The following ALDH1A2 variants were observed in gnomAD, a reference collection of about 807,000 sequenced individuals.
The protein encoded by ALDH1A2 is retinal dehydrogenase 2.
In ALDH1A2, 27 loss-of-function variants were observed where a neutral mutation model predicts 60.3. That is an observed-to-expected ratio of 0.45 (90% CI 0.33 to 0.62). The LOEUF is 0.62. ALDH1A2 is among the 20% of genes least tolerant of loss of function. The pLI, the probability that ALDH1A2 is intolerant of heterozygous loss-of-function variation, is 0.02. For synonymous variants in ALDH1A2, 289 were observed against 232.4 expected (o/e 1.24, Z -2.21); for missense variants, 581 against 643.8 (o/e 0.90, Z 1.06).
intron 1 of ALDH1A2, among the ~76,000 whole-genome samples, chr15:58,021,349 G>A (rs1282762107): frequency 6.6e-6 from 1 of 152,024 alleles, no homozygotes; most frequent in Non-Finnish European, 1.5e-5. Context: ...CAACAAAGAA[G>A]GGACAGGAAG....
intron 1 of ALDH1A2, among the ~76,000 whole-genome samples, chr15:58,043,648 G>A (rs1262760186): frequency 6.6e-6 from 1 of 151,880 alleles, no homozygotes; most frequent in Non-Finnish European, 1.5e-5. Context: ...TGAGATTCAG[G>A]TGGAAAAGAG....
At chr15:57,995,016 T>C (rs1415438865) in intron 5 of ALDH1A2, 62 bp downstream of exon 5, 28 of 1,457,084 alleles carry the variant, frequency 1.9e-5, no homozygotes, top group African/African-American at 5.6e-5. Context: ...CCATGTTTTA[T>C]GTGTCTTTAA....
intron 1 of ALDH1A2, among the ~76,000 whole-genome samples, chr15:58,061,618 A>AAAAAAAAAAAAAAAAAAAG (rs1897040524): frequency 6.7e-6 from 1 of 149,842 alleles, no homozygotes; most frequent in Non-Finnish European, 1.5e-5. Context: ...AACAAAAAAA[A>AAAAAAAAAAAAAAAAAAAG]AAAAAAAACG....
At chr15:58,062,214 G>GA (rs4646558) in intron 1 of ALDH1A2, among the ~76,000 whole-genome samples, 81 of 146,404 alleles carry the variant, frequency 5.5e-4, no homozygotes, top group East Asian at 9.9e-4. Flanking sequence ...ATCAGATGCA[G>GA]AAAAAAAAAA....
rs1006557480 is a variant in ALDH1A2, at chr15:58,003,342, A to T, written c.493+7307T>A. ...ATGGAACAAGAATACTTCAGATTTCACCCTATGCATTTGTTAATGACAGTA... is the reference window on the plus strand; with the variant it reads ...ATGGAACAAGAATACTTCAGATTTCTCCCTATGCATTTGTTAATGACAGTA... On this transcript the variant is annotated intron_variant, in intron 4 of 12. Transcript: ENST00000249750. 5.3e-5 allele frequency among the ~76,000 whole-genome samples: 8 copies of T among 151,964 alleles called. 1 individual carries two copies. Among genetic ancestry groups the T allele is most frequent in the Non-Finnish European group, 8.8e-5 (6 of 67,860 alleles).
At chr15:58,040,214 C>G (rs1308399857) in intron 1 of ALDH1A2, among the ~76,000 whole-genome samples, 2 of 151,920 alleles carry the variant, frequency 1.3e-5, no homozygotes, top group African/African-American at 4.8e-5. Context: ...CATATTCTGA[C>G]GAAGTGGCCT....
intron 7 of ALDH1A2, among the ~76,000 whole-genome samples, chr15:57,981,849 G>C (rs1368364945): frequency 6.6e-6 from 1 of 152,182 alleles, no homozygotes; most frequent in African/African-American, 2.4e-5. Flanking sequence ...AGTCCATTCA[G>C]TTTAGCTATA....
At chr15:57,969,809 T>TA (rs1449439248) in intron 7 of ALDH1A2, among the ~76,000 whole-genome samples, 7 of 149,180 alleles carry the variant, frequency 4.7e-5, no homozygotes, top group Non-Finnish European at 2.9e-5. Context: ...GAAAAGATTT[T>TA]ACAACGTACT....
At chr15:58,054,515 T>C (rs1208240414) in intron 1 of ALDH1A2, among the ~76,000 whole-genome samples, 1 of 152,154 alleles carries the variant, frequency 6.6e-6, no homozygotes, top group African/African-American at 2.4e-5. Context: ...CAGAGGGATC[T>C]GATAGTAATT....
chr15:58,009,574 G>T (rs1352959026), intron 4 of ALDH1A2, among the ~76,000 whole-genome samples: 2 of 150,846 alleles, frequency 1.3e-5, no homozygotes, highest in East Asian at 3.9e-4. Context: ...CTGGCACAGT[G>T]CTAAGTGGCA....
intron 1 of ALDH1A2, among the ~76,000 whole-genome samples, chr15:58,042,981 T>C (rs1896555613): frequency 6.6e-6 from 1 of 151,994 alleles, no homozygotes. Flanking sequence ...TAGGGGCTTA[T>C]TTATAAGGGG....
chr15:57,953,519 A>T lies in ALDH1A2; in HGVS notation c.*1678T>A, dbSNP rs1264772453. The T allele has an allele frequency of 3.3e-5, 5 of 152,802 alleles. No individual in the cohort carries two copies. Among genetic ancestry groups the T allele is most frequent in the African/African-American group, 1.2e-4 (5 of 41,464 alleles). 9.5% of individuals were successfully genotyped at this position (152,802 alleles called of 1,614,324 possible). A position where few individuals can be genotyped will look rare whatever the true frequency, so the allele number is the denominator to read the frequency against. On this transcript the variant is annotated 3_prime_UTR_variant, in exon 13 of 13. Transcript: ENST00000249750. ...TCTTCATTTTCACATTTTTTGTTGC[A>T]GTCCAAAGGTAACTAGTTGGTTAGT...
chr15:58,047,844 T>C (rs907840770), intron 1 of ALDH1A2, among the ~76,000 whole-genome samples: 2 of 151,984 alleles, frequency 1.3e-5, no homozygotes, highest in Non-Finnish European at 1.5e-5. Context: ...AACACCCAAA[T>C]GGCATTGTAT....
At chr15:58,058,467 TC>T (rs386364518) in intron 1 of ALDH1A2, among the ~76,000 whole-genome samples, 12,394 of 127,356 alleles carry the variant, frequency 0.097, 700 homozygotes, top group Middle Eastern at 0.15. Flanking sequence ...GAAATGATAT[TC>T]AAAAAAAAAA....
At chr15:57,980,968 T>C (rs547721303) in intron 7 of ALDH1A2, among the ~76,000 whole-genome samples, 38 of 152,308 alleles carry the variant, frequency 2.5e-4, no homozygotes, top group Admixed American at 4.6e-4. Context: ...TTTCAGAGCC[T>C]ATTGTTGGTC....
intron 1 of ALDH1A2, among the ~76,000 whole-genome samples, chr15:58,043,244 C>T (rs1408009151): frequency 2.6e-5 from 4 of 151,944 alleles, no homozygotes; most frequent in East Asian, 1.9e-4. Flanking sequence ...TGACACTTTC[C>T]AGCTAGACTT....
intron 1 of ALDH1A2, among the ~76,000 whole-genome samples, chr15:58,049,922 T>C (rs191093821): frequency 6.6e-6 from 1 of 152,214 alleles, no homozygotes; most frequent in East Asian, 1.9e-4. Context: ...TAGGTTCAAT[T>C]AGTCTTCTGT....
At chr15:58,055,914 T>C (rs1008423318) in intron 1 of ALDH1A2, among the ~76,000 whole-genome samples, 1 of 149,214 alleles carries the variant, frequency 6.7e-6, no homozygotes, top group African/African-American at 2.5e-5. Flanking sequence ...CTTTTAGAAA[T>C]TCTTTTTAAA....
At chr15:57,988,945 G>C (rs1192236559) in intron 7 of ALDH1A2, among the ~76,000 whole-genome samples, 15 of 152,142 alleles carry the variant, frequency 9.9e-5, no homozygotes, top group African/African-American at 3.6e-4. Flanking sequence ...GAGGCTGGTG[G>C]ATCATGAGGT....
Sources: gnomAD v4.1 joint callset for allele counts (sites outside exome capture counted in the v4.1 genomes callset) on GRCh38, gnomAD v4.1.1 for gene constraint, MANE v1.5 for transcripts, NCBI Gene and HGNC (gene_info 2026-07-23, HGNC 2026-07-21) for gene names.